ASTN2: variants seen among roughly 807,000 people sequenced by gnomAD.
ASTN2 encodes the protein astrotactin-2.
Under a neutral mutation model 139.8 loss-of-function variants are expected in ASTN2, and 54 were observed. The ratio of observed to expected loss-of-function variants is 0.39; its 90% CI spans 0.31 to 0.48. ASTN2 has a LOEUF of 0.48. Among genes scored for constraint, ASTN2 ranks in the 20% least tolerant of loss-of-function variants. The pLI is 0.95. For missense variants in ASTN2, 1,565 were observed against 1,725.1 expected, an observed-to-expected ratio of 0.91 and a Z score of 1.64; for synonymous variants, 756 against 719.5, an observed-to-expected ratio of 1.05 and a Z score of -0.81.
At chr9:117,193,825 C>T (rs1006516264) in intron 3 of ASTN2, among the ~76,000 whole-genome samples, 1 of 152,134 alleles carries the variant, frequency 6.6e-6, no homozygotes, top group African/African-American at 2.4e-5. Flanking sequence ...GCAGCACCCT[C>T]AAGGCACAGT....
chr9:116,534,210 C>T (rs1270412604), intron 19 of ASTN2, among the ~76,000 whole-genome samples: 2 of 151,848 alleles, frequency 1.3e-5, no homozygotes, highest in African/African-American at 4.8e-5. Context: ...TGGTGATATC[C>T]CCTTTATCAT....
chr9:116,572,835 G>A (rs1397253246), intron 19 of ASTN2, among the ~76,000 whole-genome samples: 2 of 152,170 alleles, frequency 1.3e-5, no homozygotes, highest in East Asian at 1.9e-4. Context: ...GGACTGAAAT[G>A]TTTCTAGGGG....
At chr9:116,884,813 C>A (rs867172063) in intron 10 of ASTN2, among the ~76,000 whole-genome samples, 1 of 123,890 alleles carries the variant, frequency 8.1e-6, no homozygotes, top group African/African-American at 3.3e-5. Context: ...GCCCCCCCCC[C>A]ACCCACTTTT....
chr9:117,103,025 A>G (rs1829019805), intron 4 of ASTN2, among the ~76,000 whole-genome samples: 2 of 152,056 alleles, frequency 1.3e-5, no homozygotes. Flanking sequence ...AAGAGCTCAG[A>G]CCTCTGGAGT....
rs1237046717 is a variant in ASTN2 at position 116,487,372 on chromosome 9, C to T, written c.3484G>A (p.Asp1162Asn). ...YSVIFKCLEP[D>N]GLYKFTLYAV... ...AACACATCTTACTTGTAGAGACCGT[C>T]GGGCTCCAGACACTTGAAGATGACT... Residue 1162 changes from aspartate to asparagine, a missense_variant, in exon 20 of 23, where the codon GAC becomes AAC. Physicochemically the swap from Asp to Asn is conservative, Grantham distance 23. This residue lies in a region of ASTN2 where 418 missense variants were observed against 465.8 expected (regional missense o/e 0.90). Transcript: ENST00000313400. 18 of 1,613,838 alleles carry T rather than the reference C, an allele frequency of 1.1e-5. No individual in the cohort carries two copies. The highest frequency in any genetic ancestry group is 1.4e-5 in the Non-Finnish European group (17 of 1,179,906).
At chr9:116,984,218 G>A (rs1836608700) in intron 7 of ASTN2, among the ~76,000 whole-genome samples, 1 of 152,152 alleles carries the variant, frequency 6.6e-6, no homozygotes, top group Non-Finnish European at 1.5e-5. Context: ...GCCTGGTTCA[G>A]GCCCTCAGCA....
intron 13 of ASTN2, among the ~76,000 whole-genome samples, chr9:116,797,295 A>G (rs900228095): frequency 4.6e-5 from 7 of 152,214 alleles, no homozygotes; most frequent in Admixed American, 3.9e-4. Context: ...TTGAAAAAAG[A>G]AAGTTAGCTT....
At chr9:117,024,474 C>T (rs949870) in intron 6 of ASTN2, among the ~76,000 whole-genome samples, 64,167 of 151,744 alleles carry the variant, frequency 0.42, 13,648 homozygotes, top group East Asian at 0.56. Flanking sequence ...ACTGAGCTCC[C>T]ACTCTATGTT....
chr9:117,053,885 T>C (rs202078270), intron 5 of ASTN2, among the ~76,000 whole-genome samples: 1 of 152,238 alleles, frequency 6.6e-6, no homozygotes, highest in African/African-American at 2.4e-5. Flanking sequence ...CTTTTGTTTT[T>C]ATTTTTTATT....
intron 11 of ASTN2, among the ~76,000 whole-genome samples, chr9:116,837,943 TC>T (rs1286604662): frequency 1.3e-5 from 2 of 152,102 alleles, no homozygotes; most frequent in African/African-American, 4.8e-5. Flanking sequence ...CTTGAGCTAG[TC>T]CCTTGGCTTG....
At chr9:117,042,911 C>T (rs778913252) in intron 5 of ASTN2, among the ~76,000 whole-genome samples, 2 of 152,056 alleles carry the variant, frequency 1.3e-5, no homozygotes, top group Non-Finnish European at 2.9e-5. Context: ...CCCTTTGTTG[C>T]CCAGGCTGGA....
intron 3 of ASTN2, among the ~76,000 whole-genome samples, chr9:117,205,509 T>A (rs573935428): frequency 4.6e-5 from 7 of 152,256 alleles, no homozygotes; most frequent in Non-Finnish European, 1.0e-4. Context: ...TCCAGATGAC[T>A]TCAAAATCTA....
intron 16 of ASTN2, among the ~76,000 whole-genome samples, chr9:116,655,152 T>C (rs1320302438): frequency 2.0e-5 from 3 of 152,226 alleles, no homozygotes; most frequent in Non-Finnish European, 2.9e-5. Flanking sequence ...CACACACTTG[T>C]ATTAACAGTG....
chr9:117,224,675 G>A (rs186740549), intron 2 of ASTN2, among the ~76,000 whole-genome samples: 35 of 152,326 alleles, frequency 2.3e-4, no homozygotes, highest in Non-Finnish European at 4.0e-4. Flanking sequence ...TGGTATTACA[G>A]GTGTAAATGC....
intron 4 of ASTN2, among the ~76,000 whole-genome samples, chr9:117,134,288 A>ATG (rs1829896039): frequency 1.5e-5 from 1 of 67,114 alleles, no homozygotes; most frequent in Non-Finnish European, 3.3e-5. Context: ...ATATATATAT[A>ATG]TATATATACA....
intron 10 of ASTN2, among the ~76,000 whole-genome samples, chr9:116,946,936 C>CAAAAAAAAAAAAAAA (rs3983292): frequency 2.3e-5 from 3 of 127,942 alleles, no homozygotes; most frequent in African/African-American, 9.2e-5. Context: ...ACATTTTTGT[C>CAAAAAAAAAAAAAAA]AAAAAAAAAA....
intron 3 of ASTN2, among the ~76,000 whole-genome samples, chr9:117,149,250 C>T (rs1294123000): frequency 1.3e-5 from 2 of 152,034 alleles, no homozygotes; most frequent in East Asian, 3.9e-4. Flanking sequence ...GAACTCTTGA[C>T]CTCGTGATCC....
chr9:116,838,083 C>G (rs139907274), intron 11 of ASTN2, among the ~76,000 whole-genome samples: 3 of 151,598 alleles, frequency 2.0e-5, no homozygotes, highest in Non-Finnish European at 2.9e-5. Context: ...TTGCTGGATT[C>G]CAGTTCTGCC....
chr9:116,982,800 A>C (rs911000695), intron 7 of ASTN2, among the ~76,000 whole-genome samples: 1 of 152,194 alleles, frequency 6.6e-6, no homozygotes, highest in African/African-American at 2.4e-5. Flanking sequence ...TTCAAATTCC[A>C]GCAGTTTGAA....
Sources: allele counts gnomAD v4.1 joint callset (sites outside exome capture counted in the v4.1 genomes callset), GRCh38; gene constraint gnomAD v4.1.1; regional missense constraint gnomAD v4.1.1; transcripts MANE v1.5; gene names NCBI Gene and HGNC (gene_info 2026-07-23, HGNC 2026-07-21).